The following PRKG1 variants were observed in gnomAD, a reference collection of about 807,000 sequenced individuals.
The protein encoded by PRKG1 is protein kinase cGMP-dependent 1.
Under a neutral mutation model 88.1 loss-of-function variants are expected in PRKG1, and 35 were observed. The observed-to-expected ratio is 0.40, with a 90% CI of 0.30 to 0.53. The LOEUF (loss-of-function observed/expected upper bound fraction) is 0.53, where lower values mean the gene tolerates loss of function less well. Among genes scored for constraint, PRKG1 ranks in the 20% least tolerant of loss-of-function variants. PRKG1 has a pLI of 0.59. For synonymous variants in PRKG1, 303 were observed against 292.5 expected (o/e 1.04, Z -0.37); for missense variants, 540 against 839.8 (o/e 0.64, Z 4.41).
At chr10:51,612,207 T>C (rs1424382015) in intron 3 of PRKG1, among the ~76,000 whole-genome samples, 2 of 152,144 alleles carry the variant, frequency 1.3e-5, no homozygotes, top group Non-Finnish European at 2.9e-5. Flanking sequence ...GGGATTTCAT[T>C]GAATCTGCAG....
In PRKG1 at chr10:51,557,346, C is replaced by G. The variant is rs192760078; in HGVS notation, c.592+89510C>G. 8.1e-3 allele frequency among the ~76,000 whole-genome samples: 700 copies of G among 86,424 alleles called. 7 individuals are homozygous for G. Among genetic ancestry groups the G allele is most frequent in the African/African-American group, 0.019 (659 of 35,528 alleles). The allele number at this position is 86,424 out of a possible 152,430, so 56.7% of individuals were successfully genotyped here. On this transcript the variant is annotated intron_variant, in intron 3 of 17. Coordinates refer to ENST00000373980, the MANE Select transcript of PRKG1 (RefSeq NM_006258.4). ...TTCTGGGCACCGGCATACACCACCA[C>G]CCCCCCACCACCCACACACAAAAAC...
At chr10:51,266,694 A>G (rs1839844436) in intron 2 of PRKG1, among the ~76,000 whole-genome samples, 1 of 152,240 alleles carries the variant, frequency 6.6e-6, no homozygotes, top group African/African-American at 2.4e-5. Context: ...AGAATGGAAT[A>G]CTTGCACGCA....
intron 5 of PRKG1, among the ~76,000 whole-genome samples, chr10:52,041,806 T>C (rs1387014975): frequency 6.6e-6 from 1 of 152,148 alleles, no homozygotes; most frequent in Non-Finnish European, 1.5e-5. Context: ...TGTAAAACCC[T>C]AAGAGTCCTT....
chr10:51,066,675 TATAC>T (rs767810292), intron 1 of PRKG1, among the ~76,000 whole-genome samples: 10 of 152,144 alleles, frequency 6.6e-5, no homozygotes, highest in Non-Finnish European at 1.5e-4. Context: ...TTACATGGTA[TATAC>T]AGTATGTAAT....
At chr10:51,587,719 G>T (rs950130450) in intron 3 of PRKG1, among the ~76,000 whole-genome samples, 8 of 152,130 alleles carry the variant, frequency 5.3e-5, no homozygotes, top group Admixed American at 4.6e-4. Context: ...TGGTTTTGAA[G>T]TAAGTTGGCT....
chr10:51,751,818 T>G (rs1837732985), intron 3 of PRKG1, among the ~76,000 whole-genome samples: 1 of 152,166 alleles, frequency 6.6e-6, no homozygotes, highest in African/African-American at 2.4e-5. Flanking sequence ...AAAGCTTTTT[T>G]TTTTTAGCTC....
chr10:51,839,144 ATTATTATTTTTTTAAC>A (rs1465022923), intron 4 of PRKG1, among the ~76,000 whole-genome samples: 5 of 143,290 alleles, frequency 3.5e-5, no homozygotes, highest in Non-Finnish European at 8.0e-5. Context: ...GAGCTACTTT[ATTATTATTTTTTTAAC>A]AGTTGGTTGA....
At chr10:51,966,976 T>G in intron 5 of PRKG1, among the ~76,000 whole-genome samples, 1 of 152,150 alleles carries the variant, frequency 6.6e-6, no homozygotes, top group Non-Finnish European at 1.5e-5. Flanking sequence ...GGTAAACTAG[T>G]TCAACCATTG....
chr10:51,620,629 A>G (rs1839181148), intron 3 of PRKG1, among the ~76,000 whole-genome samples: 1 of 152,020 alleles, frequency 6.6e-6, no homozygotes, highest in African/African-American at 2.4e-5. Context: ...TTGTGACTTC[A>G]GTGTTAATAT....
chr10:51,936,316 G>C (rs995343342), intron 5 of PRKG1, among the ~76,000 whole-genome samples: 12 of 151,838 alleles, frequency 7.9e-5, no homozygotes, highest in Non-Finnish European at 1.3e-4. Context: ...GCCTCCTCGA[G>C]TCCTGGAACA....
intron 2 of PRKG1, among the ~76,000 whole-genome samples, chr10:51,351,510 G>T (rs954586990): frequency 2.0e-5 from 3 of 146,538 alleles, no homozygotes; most frequent in Non-Finnish European, 4.5e-5. Context: ...CATCAGTGAT[G>T]ATGAGTTTTT....
At chr10:51,029,495 C>T (rs571864804) in intron 1 of PRKG1, among the ~76,000 whole-genome samples, 10 of 152,050 alleles carry the variant, frequency 6.6e-5, no homozygotes, top group Admixed American at 2.6e-4. Flanking sequence ...TTTCTCATGC[C>T]GGAATGTCAG....
At chr10:51,932,191 T>A (rs1035267806) in intron 5 of PRKG1, among the ~76,000 whole-genome samples, 9 of 150,460 alleles carry the variant, frequency 6.0e-5, no homozygotes, top group Non-Finnish European at 1.3e-4. Context: ...CCTGAATTGG[T>A]TTGGTGTTTT....
chr10:51,373,496 T>C (rs375342245), intron 2 of PRKG1, among the ~76,000 whole-genome samples: 1 of 152,294 alleles, frequency 6.6e-6, no homozygotes, highest in East Asian at 1.9e-4. Flanking sequence ...GTTACATAGA[T>C]AAACGTGTGC....
At chr10:51,054,773 A>G (rs1049644802) in intron 1 of PRKG1, among the ~76,000 whole-genome samples, 1 of 152,142 alleles carries the variant, frequency 6.6e-6, no homozygotes, top group African/African-American at 2.4e-5. Context: ...TGAAGCCCAC[A>G]AGCTGTATGA....
chr10:52,218,236 G>A (rs890805860), intron 9 of PRKG1, among the ~76,000 whole-genome samples: 4 of 150,806 alleles, frequency 2.7e-5, no homozygotes, highest in African/African-American at 4.9e-5. Context: ...AGAAAAATAG[G>A]TTACAGTTTT....
intron 2 of PRKG1, among the ~76,000 whole-genome samples, chr10:51,281,172 C>T (rs1564427208): frequency 6.6e-6 from 1 of 152,182 alleles, no homozygotes; most frequent in Non-Finnish European, 1.5e-5. Context: ...GGCTGCAGAA[C>T]AGCGGATATT....
chr10:51,349,468 G>GTGTATGTGTGTGTGTGTGTA (rs35310576), intron 2 of PRKG1, among the ~76,000 whole-genome samples: 3 of 149,572 alleles, frequency 2.0e-5, no homozygotes, highest in Admixed American at 6.6e-5. Flanking sequence ...GTGTGTGTGT[G>GTGTATGTGTGTGTGTGTGTA]TGTGTGTGTG....
intron 5 of PRKG1, among the ~76,000 whole-genome samples, chr10:51,916,935 T>A (rs1842354051): frequency 6.6e-6 from 1 of 152,234 alleles, no homozygotes; most frequent in South Asian, 2.1e-4. Flanking sequence ...TATTGTGTGA[T>A]TTCATTTACA....
Sources: allele counts gnomAD v4.1 joint callset (sites outside exome capture counted in the v4.1 genomes callset), GRCh38; gene constraint gnomAD v4.1.1; transcripts MANE v1.5; gene names NCBI Gene and HGNC (gene_info 2026-07-23, HGNC 2026-07-21).